Variants in RERG observed in about 807,000 individuals in gnomAD.
RERG encodes the protein RAS like estrogen regulated growth inhibitor.
RERG carries 25 observed loss-of-function variants against 23.2 expected under a neutral mutation model. That is an observed-to-expected ratio of 1.08 (90% CI 0.79 to 1.50). RERG has a LOEUF of 1.50. RERG is among the 40% of genes most tolerant of loss of function. The pLI, the probability that RERG is intolerant of heterozygous loss-of-function variation, is 0.00. For synonymous variants in RERG, 81 were observed against 89.1 expected (o/e 0.91, Z 0.51); for missense variants, 253 against 250.1 (o/e 1.01, Z -0.08).
At chr12:15,199,548 C>G (rs890275920) in intron 2 of RERG, among the ~76,000 whole-genome samples, 12 of 152,002 alleles carry the variant, frequency 7.9e-5, no homozygotes, top group African/African-American at 2.9e-4. Flanking sequence ...AAACATAAGA[C>G]TAAATATTGA....
intron 2 of RERG, among the ~76,000 whole-genome samples, chr12:15,131,421 T>C (rs1309187080): frequency 6.6e-6 from 1 of 152,182 alleles, no homozygotes; most frequent in Non-Finnish European, 1.5e-5. Context: ...TAAACAGAAT[T>C]ATTTGTAAGG....
At chr12:15,126,616 T>C (rs561380299) in intron 2 of RERG, among the ~76,000 whole-genome samples, 2 of 152,248 alleles carry the variant, frequency 1.3e-5, no homozygotes, top group African/African-American at 4.8e-5. Context: ...TTGTCAGTAT[T>C]TTAAGCTGGT....
At position 15,217,553 on chromosome 12, in the gene RERG, C is replaced by T. The variant is rs1865460177; in HGVS notation, c.-64G>A. On this transcript the variant is annotated 5_prime_UTR_variant, in exon 2 of 5. Transcript: ENST00000256953. The stretch of plus-strand genomic sequence containing the variant: ...AAGCACTGAGTAAATCTTTTTGGTT[C>T]CAGTCTTTGGATTCACCATATCATT... 1.0e-5 allele frequency: 12 copies of T among 1,173,684 alleles called. No individual in the cohort carries two copies. The South Asian group carries it at 1.5e-4, about 14-fold the overall frequency. 72.7% of individuals were successfully genotyped at this position (1,173,684 alleles called of 1,614,324 possible).
chr12:15,133,968 T>C (rs1864099609), intron 2 of RERG, among the ~76,000 whole-genome samples: 2 of 152,146 alleles, frequency 1.3e-5, no homozygotes, highest in Admixed American at 1.3e-4. Flanking sequence ...ATTGTTGAGT[T>C]TTAGAAGTTC....
In RERG at chr12:15,108,138, C is replaced by CA. The variant is rs1401140481; in HGVS notation, c.*971dup. The CA allele has an allele frequency of 6.6e-6, 1 of 152,248 alleles. No homozygotes were observed. The allele number at this position is 152,248 out of a possible 1,614,324, so 9.4% of individuals were successfully genotyped here. On this transcript the variant is annotated 3_prime_UTR_variant, in exon 5 of 5. Transcript: ENST00000256953. ...ATTCTCCTAAGTGAGTTAATGTATC[C>CA]AAAATATCAAAATAAGTCATGTGGC...
At chr12:15,123,398 G>A (rs1863873294) in intron 2 of RERG, among the ~76,000 whole-genome samples, 1 of 150,992 alleles carries the variant, frequency 6.6e-6, no homozygotes, top group African/African-American at 2.4e-5. Context: ...AGTGGAAGAG[G>A]CAAAAGAACT....
Position 15,148,847 on chromosome 12 carries a change from G to GTTT in RERG, c.62-27731_62-27729dup, listed in dbSNP as rs56033971. 1.8e-4 allele frequency among the ~76,000 whole-genome samples: 8 copies of GTTT among 45,560 alleles called. 2 individuals are homozygous for GTTT. Among genetic ancestry groups the GTTT allele is most frequent in the Non-Finnish European group, 3.4e-4 (7 of 20,490 alleles). 29.9% of individuals were successfully genotyped at this position (45,560 alleles called of 152,430 possible). ...AATTCATTTGCAGTCCTTTAACTCT[G>GTTT]TTTTTTTTTTTTTTTTTTTTTTTTT... On this transcript the variant is annotated intron_variant, in intron 2 of 4. Coordinates refer to ENST00000256953, the MANE Select transcript of RERG (RefSeq NM_032918.3).
At chr12:15,125,867 C>G (rs1863927981) in intron 2 of RERG, among the ~76,000 whole-genome samples, 1 of 151,614 alleles carries the variant, frequency 6.6e-6, no homozygotes, top group South Asian at 2.1e-4. Flanking sequence ...ACACATGTAT[C>G]TTTACTCTTC....
At chr12:15,141,050 A>T (rs1240067899) in intron 2 of RERG, among the ~76,000 whole-genome samples, 1 of 151,836 alleles carries the variant, frequency 6.6e-6, no homozygotes, top group Non-Finnish European at 1.5e-5. Flanking sequence ...TTTTGACACT[A>T]TCCTACAGTT....
intron 3 of RERG, among the ~76,000 whole-genome samples, chr12:15,119,186 T>C (rs1863786429): frequency 6.6e-6 from 1 of 152,206 alleles, no homozygotes; most frequent in African/African-American, 2.4e-5. Flanking sequence ...GCTGCCATCC[T>C]CTTTGAGAAG....
chr12:15,115,089 AT>A (rs2136084525), intron 3 of RERG, among the ~76,000 whole-genome samples: 1 of 152,076 alleles, frequency 6.6e-6, no homozygotes, highest in South Asian at 2.1e-4. Context: ...GGTTATAATG[AT>A]TAGAAGTGTA....
At chr12:15,123,854 T>C (rs1039657271) in intron 2 of RERG, among the ~76,000 whole-genome samples, 2 of 152,072 alleles carry the variant, frequency 1.3e-5, no homozygotes, top group African/African-American at 4.8e-5. Flanking sequence ...ATTTGATTAG[T>C]AGTTACTGTT....
At chr12:15,207,328 T>C (rs1335213713) in intron 2 of RERG, among the ~76,000 whole-genome samples, 1 of 152,024 alleles carries the variant, frequency 6.6e-6, no homozygotes, top group Non-Finnish European at 1.5e-5. Flanking sequence ...TTAAATCTAA[T>C]AAAATAATGC....
At chr12:15,137,922 C>T (rs1304339585) in intron 2 of RERG, 4 of 417,132 alleles carry the variant, frequency 9.6e-6, no homozygotes, top group Non-Finnish European at 9.6e-6. Context: ...AAGAATGTAT[C>T]GTATCATTTT....
intron 2 of RERG, among the ~76,000 whole-genome samples, chr12:15,186,590 G>C (rs1591662678): frequency 6.6e-6 from 1 of 152,064 alleles, no homozygotes; most frequent in Admixed American, 6.6e-5. Flanking sequence ...GAAGGTGGAA[G>C]AAGAGAAGGA....
intron 2 of RERG, among the ~76,000 whole-genome samples, chr12:15,155,999 AAAATAT>A (rs1208892429): frequency 3.4e-5 from 5 of 146,546 alleles, no homozygotes; most frequent in South Asian, 2.1e-4. Flanking sequence ...GTATAATAAA[AAAATAT>A]ATATATATAT....
intron 2 of RERG, among the ~76,000 whole-genome samples, chr12:15,211,866 A>C (rs1457876755): frequency 6.6e-6 from 1 of 152,052 alleles, no homozygotes; most frequent in Non-Finnish European, 1.5e-5. Context: ...ATAGAATCTT[A>C]GAAAATAATG....
chr12:15,165,507 T>C (rs77173326), intron 2 of RERG, among the ~76,000 whole-genome samples: 140 of 152,352 alleles, frequency 9.2e-4, no homozygotes, highest in African/African-American at 3.2e-3. Flanking sequence ...AGCTCCTTCA[T>C]TTCATGTACT....
chr12:15,189,271 A>C (rs1031181590), intron 2 of RERG, among the ~76,000 whole-genome samples: 5 of 152,152 alleles, frequency 3.3e-5, no homozygotes, highest in African/African-American at 1.2e-4. Flanking sequence ...GAAGCTACAT[A>C]GTTTCACCTC....
Sources: gnomAD v4.1 joint callset for allele counts (sites outside exome capture counted in the v4.1 genomes callset) on GRCh38, gnomAD v4.1.1 for gene constraint, MANE v1.5 for transcripts, NCBI Gene and HGNC (gene_info 2026-07-23, HGNC 2026-07-21) for gene names.